The following COL5A2 variants were observed in gnomAD, a reference collection of about 807,000 sequenced individuals.
COL5A2 encodes collagen alpha-2(V) chain.
Under a neutral mutation model 208.2 loss-of-function variants are expected in COL5A2, and 23 were observed. The ratio of observed to expected loss-of-function variants is 0.11; its 90% CI spans 0.08 to 0.16. The LOEUF (loss-of-function observed/expected upper bound fraction) is 0.16, where lower values mean the gene tolerates loss of function less well. Among genes scored for constraint, COL5A2 ranks in the 10% least tolerant of loss-of-function variants. The pLI is 1.00. For missense variants in COL5A2, 1,590 were observed against 1,956.4 expected, an observed-to-expected ratio of 0.81 and a Z score of 3.53; for synonymous variants, 625 against 628.5, an observed-to-expected ratio of 0.99 and a Z score of 0.08.
chr2:189,330,312 G>A, the COL5A2 span, among the ~76,000 whole-genome samples: 1 of 152,096 alleles, frequency 6.6e-6, no homozygotes, highest in African/African-American at 2.4e-5. Context: ...GAACACCAAA[G>A]GCTAAACACA....
At chr2:189,318,763 G>A in the COL5A2 span, among the ~76,000 whole-genome samples, 1 of 152,152 alleles carries the variant, frequency 6.6e-6, no homozygotes, top group African/African-American at 2.4e-5. Flanking sequence ...AGATCTGGGG[G>A]AGGAAATAGA....
intron 8 of COL5A2, among the ~76,000 whole-genome samples, chr2:189,088,342 C>T (rs1297738414): frequency 1.3e-5 from 2 of 152,146 alleles, no homozygotes; most frequent in Non-Finnish European, 2.9e-5. Context: ...TACCAAACCA[C>T]TGTTTCTAAG....
chr2:189,116,422 T>C (rs1687392118), intron 1 of COL5A2, among the ~76,000 whole-genome samples: 1 of 152,202 alleles, frequency 6.6e-6, no homozygotes, highest in South Asian at 2.1e-4. Flanking sequence ...CTTTAGACCA[T>C]GCAGAGGAGA....
At chr2:189,055,938 G>A (rs1477218484) in intron 35 of COL5A2, among the ~76,000 whole-genome samples, 1 of 152,090 alleles carries the variant, frequency 6.6e-6, no homozygotes, top group Admixed American at 6.5e-5. Flanking sequence ...TTAAAAATAT[G>A]CCAGATTTAC....
chr2:189,390,748 C>T, the COL5A2 span, among the ~76,000 whole-genome samples: 1 of 152,220 alleles, frequency 6.6e-6, no homozygotes, highest in East Asian at 1.9e-4. Flanking sequence ...CTGCAATCTT[C>T]ACTTTACAGT....
chr2:189,161,251 G>T (rs1347402422), intron 1 of COL5A2, among the ~76,000 whole-genome samples: 1 of 151,572 alleles, frequency 6.6e-6, no homozygotes, highest in Non-Finnish European at 1.5e-5. Context: ...AGGGTGGGCT[G>T]GATACTCCTC....
At chr2:189,127,852 C>A (rs185510700) in intron 1 of COL5A2, among the ~76,000 whole-genome samples, 262 of 152,072 alleles carry the variant, frequency 1.7e-3, no homozygotes, top group African/African-American at 5.6e-3. Flanking sequence ...AGAGAAAAAT[C>A]TACATTATAT....
At chr2:189,350,260 G>A in the COL5A2 span, among the ~76,000 whole-genome samples, 2 of 152,060 alleles carry the variant, frequency 1.3e-5, no homozygotes, top group Non-Finnish European at 2.9e-5. Context: ...ATGTGATCAG[G>A]AAACGATCAG....
chr2:189,179,397 C>G lies in COL5A2; in HGVS notation c.97+111G>C, dbSNP rs942096599. 3.2e-6 allele frequency: 4 copies of G among 1,263,386 alleles called. No homozygotes were observed. In the African/African-American group the frequency reaches 4.5e-5, roughly 14 times the overall value. 78.3% of individuals were successfully genotyped at this position (1,263,386 alleles called of 1,614,324 possible). ...CAGGTGCAAATCCGTCAGCCCCCTT[C>G]TCAAACTTCAAACCAGAACCTCCTC... On this transcript the variant is annotated intron_variant, in intron 1 of 53. Transcript: ENST00000374866.
upstream of COL5A2, among the ~76,000 whole-genome samples, chr2:189,182,976 A>G (rs887153932): frequency 5.9e-5 from 9 of 152,120 alleles, no homozygotes; most frequent in Non-Finnish European, 1.3e-4. Flanking sequence ...CCTTTCCTAC[A>G]GCCTGTAAAG....
intron 49 of COL5A2, among the ~76,000 whole-genome samples, chr2:189,042,483 T>C (rs976116157): frequency 6.6e-6 from 1 of 152,186 alleles, no homozygotes; most frequent in Non-Finnish European, 1.5e-5. Context: ...CAGAGGAATA[T>C]ATCCAAACCC....
At chr2:189,095,647 C>A (rs1186539122) in intron 6 of COL5A2, among the ~76,000 whole-genome samples, 1 of 152,120 alleles carries the variant, frequency 6.6e-6, no homozygotes, top group African/African-American at 2.4e-5. Flanking sequence ...GGAGTAGATT[C>A]TTTGGATCTT....
In COL5A2 at chr2:189,085,231, C is replaced by T. The variant is rs1179582026; in HGVS notation, c.745-18G>A. On this transcript the variant is annotated intron_variant, in intron 10 of 53. Transcript: ENST00000374866. ...ATCGGACCCTAATAACAGAACAAAACAAAAGGAAAAAAAGAATATTTACCT... is the reference window on the plus strand; with the variant it reads ...ATCGGACCCTAATAACAGAACAAAATAAAAGGAAAAAAAGAATATTTACCT... 5 of 1,602,038 alleles carry T rather than the reference C, an allele frequency of 3.1e-6. No individual in the cohort carries two copies. The highest frequency in any genetic ancestry group is 1.3e-5 in the African/African-American group (1 of 74,708).
the COL5A2 span, among the ~76,000 whole-genome samples, chr2:189,235,997 C>A: frequency 1.3e-5 from 2 of 150,222 alleles, no homozygotes; most frequent in Admixed American, 1.3e-4. Context: ...TTGTCCATCC[C>A]CCAATAAAAA....
chr2:189,257,369 T>C, the COL5A2 span, among the ~76,000 whole-genome samples: 3 of 152,330 alleles, frequency 2.0e-5, no homozygotes, highest in Middle Eastern at 3.4e-3. Context: ...TTCTAAAATA[T>C]AAAAACATTA....
At chr2:189,113,626 T>C (rs1019102117) in intron 1 of COL5A2, among the ~76,000 whole-genome samples, 7 of 148,894 alleles carry the variant, frequency 4.7e-5, no homozygotes, top group Admixed American at 2.0e-4. Flanking sequence ...TAATTTTAAT[T>C]ATATAATATA....
chr2:189,307,346 T>C, the COL5A2 span, among the ~76,000 whole-genome samples: 1 of 152,042 alleles, frequency 6.6e-6, no homozygotes, highest in Non-Finnish European at 1.5e-5. Flanking sequence ...TATATATAAA[T>C]TATACATATA....
chr2:189,413,783 ATTTTTTTTT>A, the COL5A2 span, among the ~76,000 whole-genome samples: 8 of 79,176 alleles, frequency 1.0e-4, no homozygotes, highest in Admixed American at 5.7e-4. Flanking sequence ...CCTTGGCGTC[ATTTTTTTTT>A]TTTTTTTTTT....
chr2:189,216,115 C>A (rs1689275205), intron 1 of COL5A2, among the ~76,000 whole-genome samples: 1 of 152,140 alleles, frequency 6.6e-6, no homozygotes, highest in African/African-American at 2.4e-5. Flanking sequence ...CTGTAACAAA[C>A]ACTTCTTTGG....
Sources: gnomAD v4.1 joint callset for allele counts (sites outside exome capture counted in the v4.1 genomes callset) on GRCh38, gnomAD v4.1.1 for gene constraint, MANE v1.5 for transcripts, NCBI Gene and HGNC (gene_info 2026-07-23, HGNC 2026-07-21) for gene names.